The following ODAD2 variants were observed in gnomAD, a reference collection of about 807,000 sequenced individuals.
The protein encoded by ODAD2 is outer dynein arm-docking complex subunit 2.
A neutral mutation model predicts 106.8 loss-of-function variants in ODAD2; 89 were observed. That is an observed-to-expected ratio of 0.83 (90% CI 0.70 to 0.99). The LOEUF is 0.99. ODAD2 is among the 50% of genes least tolerant of loss of function. The probability of loss-of-function intolerance (pLI) is 0.00; values close to 1 mark genes in which losing one functional copy is unlikely to be tolerated. For synonymous variants in ODAD2, 404 were observed against 436.2 expected, an observed-to-expected ratio of 0.93 and a Z score of 0.92; for missense variants, 1,168 against 1,238.5, an observed-to-expected ratio of 0.94 and a Z score of 0.85.
intron 17 of ODAD2, among the ~76,000 whole-genome samples, chr10:27,898,324 T>A (rs1229651278): frequency 6.6e-6 from 1 of 152,126 alleles, no homozygotes; most frequent in African/African-American, 2.4e-5. Flanking sequence ...ATATCTTCAA[T>A]TTCCAAAAAA....
intron 10 of ODAD2, among the ~76,000 whole-genome samples, chr10:27,959,712 T>C (rs1847991668): frequency 1.3e-5 from 2 of 152,180 alleles, no homozygotes; most frequent in African/African-American, 4.8e-5. Flanking sequence ...CCCAAAATTA[T>C]ATTATTCTGT....
Position 27,984,694 on chromosome 10 carries a change from G to A in ODAD2, c.575+325C>T, listed in dbSNP as rs112075511. On this transcript the variant is annotated intron_variant, in intron 4 of 19. Coordinates refer to ENST00000305242, the MANE Select transcript of ODAD2 (RefSeq NM_018076.5). ...CATGAAACCCCACCAGAATGTTTTC[G>A]TGATGTCACCTGCAATTTTTAATTT... 2.4e-3 allele frequency among the ~76,000 whole-genome samples: 371 copies of A among 152,204 alleles called. 2 individuals carry two copies. Among genetic ancestry groups the A allele is most frequent in the African/African-American group, 8.3e-3 (344 of 41,548 alleles).
chr10:27,824,477 C>A (rs866034813), intron 19 of ODAD2, among the ~76,000 whole-genome samples: 52 of 152,326 alleles, frequency 3.4e-4, no homozygotes, highest in African/African-American at 1.1e-3. Flanking sequence ...CATGGAATGA[C>A]CCTTGACAGA....
intron 10 of ODAD2, among the ~76,000 whole-genome samples, chr10:27,950,473 T>A (rs931952756): frequency 6.6e-6 from 1 of 152,224 alleles, no homozygotes; most frequent in Non-Finnish European, 1.5e-5. Context: ...AAGAAAAATA[T>A]ACATATATCC....
intron 9 of ODAD2, among the ~76,000 whole-genome samples, chr10:27,962,810 A>G (rs1251096729): frequency 6.6e-6 from 1 of 152,108 alleles, no homozygotes; most frequent in African/African-American, 2.4e-5. Flanking sequence ...TTGGGTCACC[A>G]AATCCACAGT....
intron 17 of ODAD2, among the ~76,000 whole-genome samples, chr10:27,892,280 A>G (rs1282966032): frequency 6.6e-6 from 1 of 152,204 alleles, no homozygotes; most frequent in East Asian, 1.9e-4. Flanking sequence ...GTAAATGTTC[A>G]AATAAAACTT....
At chr10:27,817,916 T>C (rs1437518491) in intron 19 of ODAD2, among the ~76,000 whole-genome samples, 1 of 152,140 alleles carries the variant, frequency 6.6e-6, no homozygotes, top group East Asian at 1.9e-4. Context: ...TACAACTTTA[T>C]GAAATTTAGA....
At chr10:27,911,969 T>C (rs1844045216) in intron 16 of ODAD2, among the ~76,000 whole-genome samples, 1 of 152,180 alleles carries the variant, frequency 6.6e-6, no homozygotes, top group Non-Finnish European at 1.5e-5. Flanking sequence ...CCAACACAAG[T>C]ACACTCCTCC....
chr10:27,945,077 G>T, intron 10 of ODAD2, 115 bp from the exon 11 acceptor site: 2 of 1,227,266 alleles, frequency 1.6e-6, no homozygotes, highest in South Asian at 1.4e-5. Flanking sequence ...GCTAGAATTT[G>T]TTAAATGAAT....
intron 19 of ODAD2, among the ~76,000 whole-genome samples, chr10:27,827,252 A>AT (rs1160035202): frequency 3.3e-5 from 5 of 151,252 alleles, no homozygotes; most frequent in South Asian, 2.1e-4. Flanking sequence ...CTTCAACCTC[A>AT]TTTTTTTGTC....
chr10:27,940,856 T>A (rs1409540496), intron 12 of ODAD2, 51 bp from the exon 13 acceptor site: 2 of 1,565,872 alleles, frequency 1.3e-6, no homozygotes, highest in African/African-American at 2.7e-5. Flanking sequence ...AAAGAACATT[T>A]AAGGCATTCT....
At chr10:27,939,118 C>G (rs763099852) in intron 14 of ODAD2, among the ~76,000 whole-genome samples, 28 of 151,260 alleles carry the variant, frequency 1.9e-4, no homozygotes, top group Non-Finnish European at 1.8e-4. Context: ...ATAAGTAAAC[C>G]AGTAAAAAGA....
chr10:27,835,135 C>A (rs1251152260), intron 19 of ODAD2, among the ~76,000 whole-genome samples: 2 of 152,186 alleles, frequency 1.3e-5, no homozygotes, highest in Non-Finnish European at 2.9e-5. Flanking sequence ...GGCACAGTCC[C>A]ACCAGCAGGC....
chr10:27,944,012 CA>C lies in ODAD2; in HGVS notation c.1743+209del, dbSNP rs535985674. On this transcript the variant is annotated intron_variant, in intron 12 of 19. Transcript: ENST00000305242. ...CTGCTTTAAAACTGTCCTATTTCTT[CA>C]AAAAATGAGTTTGAAGATGTTTTTG... 1.9e-4 allele frequency among the ~76,000 whole-genome samples: 29 copies of C among 152,050 alleles called. No homozygotes were observed. In the South Asian group the frequency reaches 2.3e-3, roughly 12 times the overall value.
intron 17 of ODAD2, among the ~76,000 whole-genome samples, chr10:27,901,899 A>G (rs1843233496): frequency 6.6e-6 from 1 of 152,188 alleles, no homozygotes; most frequent in South Asian, 2.1e-4. Context: ...TAGATCAACG[A>G]GACAGAAAAT....
intron 19 of ODAD2, among the ~76,000 whole-genome samples, chr10:27,819,793 A>T (rs1836455318): frequency 6.6e-6 from 1 of 151,146 alleles, no homozygotes; most frequent in East Asian, 2.0e-4. Flanking sequence ...GGAAGGAGTG[A>T]TCAGCACAAT....
At chr10:27,860,140 T>C (rs1345620309) in intron 19 of ODAD2, among the ~76,000 whole-genome samples, 1 of 152,190 alleles carries the variant, frequency 6.6e-6, no homozygotes, top group African/African-American at 2.4e-5. Context: ...CCATACAACT[T>C]TTCTGCAGCA....
At chr10:27,921,997 T>C (rs1844823117) in intron 16 of ODAD2, among the ~76,000 whole-genome samples, 1 of 150,308 alleles carries the variant, frequency 6.7e-6, no homozygotes, top group African/African-American at 2.4e-5. Flanking sequence ...TGAAACCCTG[T>C]CTCTACAAAA....
intron 10 of ODAD2, among the ~76,000 whole-genome samples, chr10:27,952,755 C>T (rs990973201): frequency 1.3e-5 from 2 of 152,146 alleles, no homozygotes; most frequent in African/African-American, 4.8e-5. Context: ...CGTTTAACAG[C>T]TCTGGCTAAT....
Sources: gnomAD v4.1 joint callset for allele counts (sites outside exome capture counted in the v4.1 genomes callset) on GRCh38, gnomAD v4.1.1 for gene constraint, MANE v1.5 for transcripts, NCBI Gene and HGNC (gene_info 2026-07-23, HGNC 2026-07-21) for gene names.